The following ZNF277 variants were observed in gnomAD, a reference collection of about 807,000 sequenced individuals.
The protein encoded by ZNF277 is zinc finger protein 277.
A neutral mutation model predicts 60.7 loss-of-function variants in ZNF277; 55 were observed. The ratio of observed to expected loss-of-function variants is 0.91; its 90% confidence interval spans 0.73 to 1.13. The LOEUF is 1.13. Among genes scored for constraint, ZNF277 ranks in the 50% most tolerant of loss-of-function variants. The pLI is 0.00. For synonymous variants in ZNF277, 178 were observed against 179.3 expected, an observed-to-expected ratio of 0.99 and a Z score of 0.06; for missense variants, 510 against 523.0, an observed-to-expected ratio of 0.98 and a Z score of 0.24.
At chr7:112,321,344 G>A (rs1792978120) in intron 5 of ZNF277, among the ~76,000 whole-genome samples, 1 of 151,984 alleles carries the variant, frequency 6.6e-6, no homozygotes, top group Non-Finnish European at 1.5e-5. Context: ...TCAATAATAT[G>A]CAAAAACTTT....
intron 1 of ZNF277, among the ~76,000 whole-genome samples, chr7:112,265,844 G>C (rs1179961792): frequency 6.6e-6 from 1 of 152,150 alleles, no homozygotes; most frequent in East Asian, 1.9e-4. Flanking sequence ...TTTAGTGAGA[G>C]TTTTAATCAA....
rs191202031 is a variant in ZNF277 at position 112,264,911 on chromosome 7, C to T, written c.92-21962C>T. ...CCTTCAGTGAGTTGTCATCTTTTTG[C>T]TGGTGCAGGGTCTTGCCTCAATGTT... On this transcript the variant is annotated intron_variant, in intron 1 of 11. Transcript: ENST00000361822. 3.0e-4 allele frequency among the ~76,000 whole-genome samples: 46 copies of T among 152,212 alleles called. 1 individual carries two copies. Among genetic ancestry groups the T allele is most frequent in the Non-Finnish European group, 5.0e-4 (34 of 68,004 alleles).
chr7:112,296,888 T>TTTTA (rs764539582), intron 4 of ZNF277, among the ~76,000 whole-genome samples: 5,380 of 62,014 alleles, frequency 0.087, 446 homozygotes, highest in Non-Finnish European at 0.11. Flanking sequence ...CTTATTTTTA[T>TTTTA]TTTATTTATT....
chr7:112,249,951 TAAAA>T (rs35617603), intron 1 of ZNF277, among the ~76,000 whole-genome samples: 1 of 152,026 alleles, frequency 6.6e-6, no homozygotes, highest in African/African-American at 2.4e-5. Context: ...GTGGGCTCCT[TAAAA>T]AAAGAACAGG....
chr7:112,340,908 T>G lies in ZNF277; in HGVS notation c.1046T>G (p.Phe349Cys), dbSNP rs140543113. ...NFYQQVKLVNFIRRQVHQCRC... is the reference protein window; with the variant it reads ...NFYQQVKLVNCIRRQVHQCRC... ...TATCAGCAAGTGAAACTGGTCAATTTTATTCGGAGGCAAGTTCACCAATGC... is the reference window on the plus strand; with the variant it reads ...TATCAGCAAGTGAAACTGGTCAATTGTATTCGGAGGCAAGTTCACCAATGC... Residue 349 changes from phenylalanine to cysteine, a missense_variant, in exon 11 of 12, where the codon TTT (phenylalanine) becomes TGT (cysteine). Transcript: ENST00000361822. 1 of 1,611,772 alleles carries G rather than the reference T, an allele frequency of 6.2e-7. No homozygotes were observed. Among genetic ancestry groups the G allele is most frequent in the East Asian group, 2.2e-5 (1 of 44,820 alleles).
chr7:112,321,424 A>G (rs967805806), intron 5 of ZNF277, among the ~76,000 whole-genome samples: 3 of 152,022 alleles, frequency 2.0e-5, no homozygotes, highest in Non-Finnish European at 4.4e-5. Flanking sequence ...ACCTTTATAT[A>G]TTATCAGCTC....
intron 1 of ZNF277, among the ~76,000 whole-genome samples, chr7:112,277,647 C>G (rs1008492302): frequency 1.3e-5 from 2 of 152,136 alleles, no homozygotes; most frequent in Non-Finnish European, 2.9e-5. Flanking sequence ...TTTAAATGCT[C>G]AATCTCCGCA....
At chr7:112,283,525 AC>A (rs1341192956) in intron 1 of ZNF277, among the ~76,000 whole-genome samples, 1 of 152,188 alleles carries the variant, frequency 6.6e-6, no homozygotes, top group East Asian at 1.9e-4. Context: ...TCTGTTACAT[AC>A]TAACTCAAGC....
At chr7:112,313,689 C>T (rs1792781454) in intron 4 of ZNF277, among the ~76,000 whole-genome samples, 1 of 152,038 alleles carries the variant, frequency 6.6e-6, no homozygotes, top group African/African-American at 2.4e-5. Flanking sequence ...GAATAGTTTA[C>T]ATATGTAGTA....
At chr7:112,295,994 G>C in intron 3 of ZNF277, 37 bp downstream of exon 3, 1 of 1,458,430 alleles carries the variant, frequency 6.9e-7, no homozygotes, top group Non-Finnish European at 9.6e-7. Flanking sequence ...TTTCCCTACA[G>C]TATAAAAATT....
rs759044500 is a variant in ZNF277, at chr7:112,288,951, T to TAAAAAAA, written c.293+1899_293+1905dup. On this transcript the variant is annotated intron_variant, in intron 2 of 11. Coordinates refer to ENST00000361822, the MANE Select transcript of ZNF277 (RefSeq NM_021994.3). ...GCTGCATGTGGCAGTCTGCCTTTCT[T>TAAAAAAA]AAAAAAAAAAAAAAAAAAAAAAAAA... The TAAAAAAA allele has an allele frequency of 7.2e-4, 51 of 70,382 alleles. 1 individual carries two copies. The highest frequency in any genetic ancestry group is 2.1e-3 in the African/African-American group (32 of 14,904). 4.4% of individuals were successfully genotyped at this position (70,382 alleles called of 1,614,324 possible).
In ZNF277 at chr7:112,278,748, T is replaced by TA. The variant is rs891222929; in HGVS notation, c.92-8117dup. On this transcript the variant is annotated intron_variant, in intron 1 of 11. Coordinates refer to ENST00000361822, the MANE Select transcript of ZNF277 (RefSeq NM_021994.3). ...GCTCTCCATTTTTTAAAATTATGGT[T>TA]AAAAAAAATACATAACATGAAATCT... Among the ~76,000 whole-genome samples, 147 of 151,934 alleles carry TA rather than the reference T, an allele frequency of 9.7e-4. 3 individuals are homozygous for TA. Among genetic ancestry groups the TA allele is most frequent in the Non-Finnish European group, 4.4e-4 (30 of 67,972 alleles).
At position 112,316,173 on chromosome 7, in the gene ZNF277, C is replaced by T. The variant is rs759316962; in HGVS notation, c.466-2009C>T. ...GTCATGTTGTAAAAAGCCAGTTCTA[C>T]ACAATATTGGTCAGAAAGAAAATCT... On this transcript the variant is annotated intron_variant, in intron 4 of 11. Coordinates refer to ENST00000361822, the MANE Select transcript of ZNF277 (RefSeq NM_021994.3). Among the ~76,000 whole-genome samples, 34 of 152,210 alleles carry T rather than the reference C, an allele frequency of 2.2e-4. 1 individual carries two copies. Among genetic ancestry groups the T allele is most frequent in the South Asian group, 1.7e-3 (8 of 4,830 alleles).
At chr7:112,297,211 G>A (rs1451617186) in intron 4 of ZNF277, among the ~76,000 whole-genome samples, 2 of 151,856 alleles carry the variant, frequency 1.3e-5, no homozygotes, top group African/African-American at 2.4e-5. Context: ...ACAGGCGGGA[G>A]CCACTGCACC....
intron 4 of ZNF277, among the ~76,000 whole-genome samples, chr7:112,297,142 T>C (rs1445341868): frequency 6.6e-6 from 1 of 151,624 alleles, no homozygotes; most frequent in Non-Finnish European, 1.5e-5. Flanking sequence ...TTAGCAAGGA[T>C]GGTCTCGATC....
intron 2 of ZNF277, among the ~76,000 whole-genome samples, chr7:112,295,483 CTT>C (rs1232880822): frequency 6.6e-6 from 1 of 152,074 alleles, no homozygotes; most frequent in Non-Finnish European, 1.5e-5. Context: ...TTAGTTTTCT[CTT>C]TACTGCAGAG....
chr7:112,314,949 T>C (rs543357792), intron 4 of ZNF277, among the ~76,000 whole-genome samples: 3 of 152,270 alleles, frequency 2.0e-5, no homozygotes, highest in South Asian at 2.1e-4. Flanking sequence ...TATTTCCAGA[T>C]AGTGTAATTA....
At chr7:112,325,562 C>T (rs1793074308) in intron 5 of ZNF277, among the ~76,000 whole-genome samples, 1 of 152,204 alleles carries the variant, frequency 6.6e-6, no homozygotes, top group Non-Finnish European at 1.5e-5. Flanking sequence ...CCCTCGTTCC[C>T]TCACTTTCAA....
chr7:112,314,457 T>C lies in ZNF277; in HGVS notation c.466-3725T>C, dbSNP rs114817887. 1.2e-3 allele frequency among the ~76,000 whole-genome samples: 180 copies of C among 152,104 alleles called. 3 individuals carry two copies. The highest frequency in any genetic ancestry group is 4.1e-3 in the African/African-American group (171 of 41,514). Reference sequence around the variant, plus strand: ...TATGTTCTTGCTATTCCCTATAACATAGGATTGTATGAGGAAGAAATGTGA... The same window carrying C: ...TATGTTCTTGCTATTCCCTATAACACAGGATTGTATGAGGAAGAAATGTGA... On this transcript the variant is annotated intron_variant, in intron 4 of 11. Transcript: ENST00000361822.
Sources: gnomAD v4.1 joint callset for allele counts (sites outside exome capture counted in the v4.1 genomes callset) on GRCh38, gnomAD v4.1.1 for gene constraint, MANE v1.5 for transcripts, NCBI Gene and HGNC (gene_info 2026-07-23, HGNC 2026-07-21) for gene names.